The following PCDHGA2 variants were observed in gnomAD, a reference collection of about 807,000 sequenced individuals.
PCDHGA2 encodes protocadherin gamma-A2.
In PCDHGA2, 40 loss-of-function variants were observed where a neutral mutation model predicts 59.2. That is an observed-to-expected ratio of 0.68 (90% CI 0.52 to 0.88). The LOEUF is 0.88. Ranked by LOEUF, PCDHGA2 falls within the 40% of genes least tolerant of loss-of-function variation. The pLI, the probability that PCDHGA2 is intolerant of heterozygous loss-of-function variation, is 0.00. For synonymous variants in PCDHGA2, 560 were observed against 526.0 expected, an observed-to-expected ratio of 1.06 and a Z score of -0.89; for missense variants, 1,226 against 1,204.0, an observed-to-expected ratio of 1.02 and a Z score of -0.27.
At chr5:141,427,529 G>A (rs1464520351) in intron 1 of PCDHGA2, 1 of 619,898 alleles carries the variant, frequency 1.6e-6, no homozygotes, top group African/African-American at 1.8e-5. Context: ...GGATCCCGGA[G>A]TACAACGTCA....
intron 1 of PCDHGA2, among the ~76,000 whole-genome samples, chr5:141,481,790 A>C (rs2154579313): frequency 6.6e-6 from 1 of 152,222 alleles, no homozygotes; most frequent in East Asian, 1.9e-4. Flanking sequence ...CGTCTCTACT[A>C]AAAATACAAA....
At chr5:141,421,355 G>A in intron 1 of PCDHGA2, 1 of 1,613,990 alleles carries the variant, frequency 6.2e-7, no homozygotes, top group East Asian at 2.2e-5. Flanking sequence ...ACCGAAAAGG[G>A]CTCCTTCGTG....
intron 1 of PCDHGA2, chr5:141,343,005 T>G (rs1330853161): frequency 6.6e-6 from 1 of 152,518 alleles, no homozygotes; most frequent in Non-Finnish European, 1.5e-5. Flanking sequence ...ACTCCTCTCA[T>G]GTTTCCTGGG....
chr5:141,347,723 G>A (rs529643058), intron 1 of PCDHGA2, among the ~76,000 whole-genome samples: 22 of 151,470 alleles, frequency 1.5e-4, no homozygotes, highest in Admixed American at 2.6e-4. Context: ...GGAGGCAGAA[G>A]TTGCAGAGAG....
intron 1 of PCDHGA2, chr5:141,374,411 G>T: frequency 6.2e-7 from 1 of 1,614,036 alleles, no homozygotes. Flanking sequence ...TAACATCCTT[G>T]TCGAGGATAA....
At chr5:141,428,792 T>A (rs1590880161) in intron 1 of PCDHGA2, 1 of 152,978 alleles carries the variant, frequency 6.5e-6, no homozygotes, top group Middle Eastern at 3.4e-3. Flanking sequence ...TTCCTTTCTG[T>A]GTGGGCCAGT....
At position 141,432,644 on chromosome 5, in the gene PCDHGA2, G is replaced by A; in HGVS notation, c.2425-62163G>A. The A allele has an allele frequency of 1.2e-6, 2 of 1,613,812 alleles. No homozygotes were observed. The highest frequency in any genetic ancestry group is 1.7e-6 in the Non-Finnish European group (2 of 1,179,942). ...TCTGCACACGGGCGAGGTGCGCACG[G>A]CGCGAGCCCTGCTGGACAGAGACGC... On this transcript the variant is annotated intron_variant, in intron 1 of 3. Coordinates refer to ENST00000394576, the MANE Select transcript of PCDHGA2 (RefSeq NM_018915.4). The surrounding 1 kb of genome is among the most constrained non-coding windows in gnomAD (Gnocchi z 6.0).
intron 1 of PCDHGA2, chr5:141,394,938 G>A: frequency 6.2e-7 from 1 of 1,613,780 alleles, no homozygotes; most frequent in Non-Finnish European, 8.5e-7. Context: ...CGCCTTTGTC[G>A]CTGTGCTTCT....
Position 141,432,155 on chromosome 5 carries a change from C to T in PCDHGA2, c.2425-62652C>T, listed in dbSNP as rs368480052. 3.8e-5 allele frequency: 62 copies of T among 1,614,178 alleles called. No individual in the cohort carries two copies. In the African/African-American group the frequency reaches 7.1e-4, roughly 18 times the overall value. On this transcript the variant is annotated intron_variant, in intron 1 of 3. Coordinates refer to ENST00000394576, the MANE Select transcript of PCDHGA2 (RefSeq NM_018915.4). This position sits in a 1 kb window ranked among gnomAD's most constrained non-coding sequence, Gnocchi z 6.0. ...TTCCGCTTATATCCCAGAGAACAATCCCAGAGGAGTTTCCCTCGTCTCTGT... is the reference window on the plus strand; with the variant it reads ...TTCCGCTTATATCCCAGAGAACAATTCCAGAGGAGTTTCCCTCGTCTCTGT...
At chr5:141,415,189 A>G (rs575244490) in intron 1 of PCDHGA2, 2 of 1,613,958 alleles carry the variant, frequency 1.2e-6, no homozygotes, top group Non-Finnish European at 1.7e-6. Context: ...GGCCGACAGC[A>G]TCCCCCAAGT....
intron 1 of PCDHGA2, among the ~76,000 whole-genome samples, chr5:141,444,058 C>A (rs2154560450): frequency 6.8e-6 from 1 of 147,774 alleles, no homozygotes; most frequent in East Asian, 2.0e-4. Context: ...CATCTTCAAT[C>A]TAGATTCTGA....
intron 1 of PCDHGA2, among the ~76,000 whole-genome samples, chr5:141,447,123 T>TTTTG (rs1327676720): frequency 6.6e-6 from 1 of 152,160 alleles, no homozygotes; most frequent in Admixed American, 6.6e-5. Context: ...CCATGGATTT[T>TTTTG]TTTGTTTGTT....
At chr5:141,397,467 G>A (rs1052329651) in intron 1 of PCDHGA2, among the ~76,000 whole-genome samples, 1 of 152,176 alleles carries the variant, frequency 6.6e-6, no homozygotes, top group East Asian at 1.9e-4. Flanking sequence ...ATATTGGGGA[G>A]TTGGAAATCA....
chr5:141,421,359 C>T, intron 1 of PCDHGA2: 1 of 1,614,012 alleles, frequency 6.2e-7, no homozygotes, highest in Non-Finnish European at 8.5e-7. Context: ...AAAAGGGCTC[C>T]TTCGTGGGCA....
intron 1 of PCDHGA2, chr5:141,351,762 T>G (rs762620794): frequency 6.2e-7 from 1 of 1,613,592 alleles, no homozygotes. Context: ...TTGTCCTACG[T>G]GTCCGTGAGC....
At chr5:141,436,991 T>G (rs1016670604) in intron 1 of PCDHGA2, among the ~76,000 whole-genome samples, 2 of 152,238 alleles carry the variant, frequency 1.3e-5, no homozygotes, top group African/African-American at 4.8e-5. Flanking sequence ...AGAAGCAGTT[T>G]ACTTCAATGG....
At position 141,346,438 on chromosome 5, in the gene PCDHGA2, G is replaced by C; in HGVS notation, c.2424+5043G>C. On this transcript the variant is annotated intron_variant, in intron 1 of 3. Coordinates refer to ENST00000394576, the MANE Select transcript of PCDHGA2 (RefSeq NM_018915.4). ...ACTCAGGATTTACTTGAAATGAAAG[G>C]AGATTCCAACCTACTTCAGGTGAGT... The C allele has an allele frequency of 1.9e-6, 3 of 1,614,230 alleles. No individual in the cohort carries two copies. In the Middle Eastern group the frequency reaches 4.9e-4, roughly 266 times the overall value.
intron 1 of PCDHGA2, chr5:141,415,577 C>G (rs776744277): frequency 2.5e-6 from 4 of 1,613,744 alleles, no homozygotes; most frequent in South Asian, 2.2e-5. Flanking sequence ...TTAGATGATT[C>G]GAAGTTTCCT....
chr5:141,379,938 C>G (rs1220422667), intron 1 of PCDHGA2, among the ~76,000 whole-genome samples: 1 of 86,936 alleles, frequency 1.2e-5, no homozygotes, highest in African/African-American at 4.3e-5. Context: ...CTTGCTCTGT[C>G]TCCCAGGCTG....
Sources: gnomAD v4.1 joint callset for allele counts (sites outside exome capture counted in the v4.1 genomes callset) on GRCh38, gnomAD v4.1.1 for gene constraint, Gnocchi (gnomAD v3.1) non-coding constraint, MANE v1.5 for transcripts, NCBI Gene and HGNC (gene_info 2026-07-23, HGNC 2026-07-21) for gene names.